Variants in TBC1D32 observed in about 807,000 individuals in gnomAD.
TBC1D32 encodes the protein TBC1 domain family member 32, also known as protein broad-minded.
In TBC1D32, 151 loss-of-function variants were observed where a neutral mutation model predicts 170.3. That is an observed-to-expected ratio of 0.89 (90% CI 0.78 to 1.01). The LOEUF (loss-of-function observed/expected upper bound fraction) is 1.01, where lower values mean the gene tolerates loss of function less well. TBC1D32 is among the 50% of genes least tolerant of loss of function. The pLI, the probability that TBC1D32 is intolerant of heterozygous loss-of-function variation, is 0.00. For missense variants in TBC1D32, 1,464 were observed against 1,457.1 expected (o/e 1.00, Z -0.08); for synonymous variants, 498 against 488.0 (o/e 1.02, Z -0.27).
intron 24 of TBC1D32, among the ~76,000 whole-genome samples, chr6:121,154,623 G>C (rs933668198): frequency 6.6e-6 from 1 of 152,086 alleles, no homozygotes; most frequent in Non-Finnish European, 1.5e-5. Context: ...CACCCTTCTC[G>C]ACATAGGCTT....
At chr6:121,254,594 C>T (rs1229291739) in intron 17 of TBC1D32, among the ~76,000 whole-genome samples, 1 of 140,726 alleles carries the variant, frequency 7.1e-6, no homozygotes, top group Admixed American at 7.3e-5. Context: ...AACCATTATA[C>T]TGTTAAGGAA....
At chr6:121,289,934 C>G (rs981321318) in intron 12 of TBC1D32, among the ~76,000 whole-genome samples, 2 of 152,176 alleles carry the variant, frequency 1.3e-5, no homozygotes, top group African/African-American at 2.4e-5. Context: ...GCTGGGAAAA[C>G]TGGATAGACA....
chr6:121,308,657 A>G (rs1326959187), intron 4 of TBC1D32, among the ~76,000 whole-genome samples: 1 of 128,374 alleles, frequency 7.8e-6, no homozygotes, highest in African/African-American at 3.1e-5. Flanking sequence ...GCAAAATTGT[A>G]TTTCTGTATT....
chr6:121,320,298 T>C (rs1385065684), intron 2 of TBC1D32, among the ~76,000 whole-genome samples: 8 of 151,144 alleles, frequency 5.3e-5, no homozygotes, highest in African/African-American at 1.9e-4. Flanking sequence ...AAAATAAACA[T>C]TTACCGAGTC....
chr6:121,269,620 T>C (rs1032119274), intron 15 of TBC1D32, among the ~76,000 whole-genome samples: 1 of 152,078 alleles, frequency 6.6e-6, no homozygotes, highest in Non-Finnish European at 1.5e-5. Context: ...AGCAAGTCCT[T>C]AGTGACCTAC....
intron 31 of TBC1D32, 79 bp from the exon 32 acceptor site, chr6:121,080,969 T>C (rs985167702): frequency 6.6e-7 from 1 of 1,522,166 alleles, no homozygotes; most frequent in Admixed American, 2.0e-5. Context: ...AAATAATTGA[T>C]ATACCATTTA....
At chr6:121,098,450 C>T (rs749837421) in intron 30 of TBC1D32, among the ~76,000 whole-genome samples, 30 of 151,798 alleles carry the variant, frequency 2.0e-4, no homozygotes, top group Non-Finnish European at 3.5e-4. Flanking sequence ...GAATGACCTC[C>T]GCAAGTCAAT....
chr6:121,257,536 A>G (rs1430513477), intron 15 of TBC1D32, among the ~76,000 whole-genome samples: 2 of 152,160 alleles, frequency 1.3e-5, no homozygotes, highest in African/African-American at 4.8e-5. Context: ...TCTGTGAAGA[A>G]CTTTTCCTCA....
chr6:121,142,261 A>G (rs1179248799), intron 24 of TBC1D32, among the ~76,000 whole-genome samples: 1 of 152,366 alleles, frequency 6.6e-6, no homozygotes, highest in East Asian at 1.9e-4. Flanking sequence ...ATGTTTATGC[A>G]TAAGATCAGA....
chr6:121,251,617 G>A (rs527313208), intron 17 of TBC1D32, among the ~76,000 whole-genome samples: 1 of 152,130 alleles, frequency 6.6e-6, no homozygotes, highest in Admixed American at 6.5e-5. Context: ...AGAAAACCTA[G>A]GCAATACCAT....
chr6:121,280,473 T>A (rs1158571876), intron 14 of TBC1D32, among the ~76,000 whole-genome samples: 3 of 151,722 alleles, frequency 2.0e-5, no homozygotes, highest in Non-Finnish European at 4.4e-5. Context: ...CAAGAATAAA[T>A]AATTCAAACA....
rs1306037754 is a variant in TBC1D32 at position 121,283,177 on chromosome 6, G to A, written c.1465+641C>T. Among the ~76,000 whole-genome samples the A allele has an allele frequency of 5.9e-5, 9 of 151,644 alleles. No homozygotes were observed. In the East Asian group the frequency reaches 1.7e-3, roughly 29 times the overall value. On this transcript the variant is annotated intron_variant, in intron 13 of 31. Coordinates refer to ENST00000398212, the MANE Select transcript of TBC1D32 (RefSeq NM_152730.6). Reference sequence around the variant, plus strand: ...CACTTGAGTTCGTCTCAGAATTTGTGTCAGCAATTCTAGGGTTATTTCCTA... The same window carrying A: ...CACTTGAGTTCGTCTCAGAATTTGTATCAGCAATTCTAGGGTTATTTCCTA...
intron 22 of TBC1D32, among the ~76,000 whole-genome samples, chr6:121,200,446 A>G (rs961011540): frequency 6.6e-6 from 1 of 151,574 alleles, no homozygotes; most frequent in Non-Finnish European, 1.5e-5. Flanking sequence ...AAGAAGGAAT[A>G]TAACATTACT....
In TBC1D32 at chr6:121,079,724, C is replaced by A. The variant is rs180921754; in HGVS notation, c.*1047G>T. 6.6e-6 allele frequency: 1 copy of A among 152,014 alleles called. No individual in the cohort carries two copies. The highest frequency in any genetic ancestry group is 2.4e-5 in the African/African-American group (1 of 41,408). The allele number at this position is 152,014 out of a possible 1,614,324, so 9.4% of individuals were successfully genotyped here. Reference sequence around the variant, plus strand: ...TGCAGAGACATCTATTTAAATAAGACAAATCATAGTGTTAGCCATTTAAAA... The same window carrying A: ...TGCAGAGACATCTATTTAAATAAGAAAAATCATAGTGTTAGCCATTTAAAA... On this transcript the variant is annotated 3_prime_UTR_variant, in exon 32 of 32. Transcript: ENST00000398212.
At chr6:121,320,250 T>C (rs1283362475) in intron 2 of TBC1D32, among the ~76,000 whole-genome samples, 2 of 147,898 alleles carry the variant, frequency 1.4e-5, no homozygotes, top group Non-Finnish European at 3.0e-5. Flanking sequence ...AAAAAAGCTG[T>C]ACAATGTAAA....
intron 24 of TBC1D32, among the ~76,000 whole-genome samples, chr6:121,146,235 C>G (rs1783430898): frequency 1.3e-5 from 2 of 152,054 alleles, no homozygotes; most frequent in Admixed American, 6.6e-5. Flanking sequence ...CCAAAATCTA[C>G]AGTGTTGGCC....
At chr6:121,237,829 G>A (rs1796507880) in intron 20 of TBC1D32, among the ~76,000 whole-genome samples, 1 of 151,670 alleles carries the variant, frequency 6.6e-6, no homozygotes, top group Non-Finnish European at 1.5e-5. Flanking sequence ...CAATCAATCT[G>A]TATTAGTTGC....
chr6:121,127,423 T>C (rs1326517052), intron 25 of TBC1D32, among the ~76,000 whole-genome samples: 2 of 152,168 alleles, frequency 1.3e-5, no homozygotes, highest in Admixed American at 6.5e-5. Flanking sequence ...TCTATTCATA[T>C]GATGATTTCA....
chr6:121,119,366 C>T (rs539727149), intron 26 of TBC1D32, among the ~76,000 whole-genome samples: 2 of 152,040 alleles, frequency 1.3e-5, no homozygotes, highest in African/African-American at 2.4e-5. Flanking sequence ...TACTCACAAA[C>T]GTTTCATAAA....
Sources: gnomAD v4.1 joint callset for allele counts (sites outside exome capture counted in the v4.1 genomes callset) on GRCh38, gnomAD v4.1.1 for gene constraint, MANE v1.5 for transcripts, NCBI Gene and HGNC (gene_info 2026-07-23, HGNC 2026-07-21) for gene names.